The following MYO16 variants were observed in gnomAD, a reference collection of about 807,000 sequenced individuals.
MYO16 encodes the protein unconventional myosin-XVI.
Under a neutral mutation model 205.3 loss-of-function variants are expected in MYO16, and 94 were observed. The observed-to-expected ratio is 0.46, with a 90% CI of 0.39 to 0.54. The LOEUF (loss-of-function observed/expected upper bound fraction) is 0.54. Ranked by LOEUF, MYO16 falls within the 20% of genes least tolerant of loss-of-function variation. MYO16 has a pLI of 0.00. For synonymous variants in MYO16, 988 were observed against 954.0 expected (o/e 1.04, Z -0.66); for missense variants, 2,315 against 2,387.5 (o/e 0.97, Z 0.63).
intron 12 of MYO16, among the ~76,000 whole-genome samples, chr13:108,873,056 T>A (rs1879142117): frequency 6.6e-6 from 1 of 152,232 alleles, no homozygotes; most frequent in Admixed American, 6.5e-5. Context: ...TAATATCAAG[T>A]AGTCACCTAT....
intron 29 of MYO16, among the ~76,000 whole-genome samples, chr13:109,124,567 A>G (rs1454554247): frequency 6.6e-6 from 1 of 151,948 alleles, no homozygotes; most frequent in Admixed American, 6.6e-5. Context: ...ACTTTTACAC[A>G]TTTTTCTAGC....
At chr13:108,543,574 G>A in the MYO16 span, among the ~76,000 whole-genome samples, 6 of 143,332 alleles carry the variant, frequency 4.2e-5, no homozygotes, top group Admixed American at 6.9e-5. Flanking sequence ...CCCAGGAGGC[G>A]GAGCTTGCAG....
intron 3 of MYO16, among the ~76,000 whole-genome samples, chr13:108,724,588 TC>T (rs35866868): frequency 0.25 from 37,318 of 151,958 alleles, 5,656 homozygotes; most frequent in African/African-American, 0.44. Flanking sequence ...TTTTCTGCCT[TC>T]TTTAGGTTTG....
intron 1 of MYO16, among the ~76,000 whole-genome samples, chr13:108,608,907 G>A (rs1041039639): frequency 2.0e-5 from 3 of 152,126 alleles, no homozygotes; most frequent in African/African-American, 7.2e-5. Context: ...GCCTCCCAAA[G>A]TGCAGGGATT....
rs200165875 is a variant in MYO16, at chr13:109,206,783, G to A, written c.5590G>A (p.Glu1864Lys). Residue 1864 changes from glutamate (E) to lysine (K), a missense_variant, in exon 35 of 35, where the codon GAA becomes AAA. Glu to Lys is a moderately conservative substitution (Grantham distance 56, BLOSUM62 1). This residue lies in a region of MYO16 where 1,097 missense variants were observed against 1,092.0 expected (regional missense o/e 1.00). Coordinates refer to ENST00000457511, the MANE Select transcript of MYO16 (RefSeq NM_001198950.3). ...CKKPSLLKKPEGASCNRLPSE... is the reference protein window; with the variant it reads ...CKKPSLLKKPKGASCNRLPSE... Reference sequence around the variant, plus strand: ...GAAGCCCAGCCTTCTGAAGAAGCCGGAAGGGGCCTCCTGCAACAGGCTGCC... The same window carrying A: ...GAAGCCCAGCCTTCTGAAGAAGCCGAAAGGGGCCTCCTGCAACAGGCTGCC... 6.2e-7 allele frequency: 1 copy of A among 1,614,176 alleles called. No individual in the cohort carries two copies. The highest frequency in any genetic ancestry group is 8.5e-7 in the Non-Finnish European group (1 of 1,180,022).
At chr13:109,026,406 C>G (rs1264935815) in intron 23 of MYO16, among the ~76,000 whole-genome samples, 36 of 152,046 alleles carry the variant, frequency 2.4e-4, no homozygotes, top group Non-Finnish European at 7.4e-5. Flanking sequence ...AGCCAAGGAA[C>G]ACCTGGAACT....
intron 23 of MYO16, among the ~76,000 whole-genome samples, chr13:109,023,081 T>C (rs1313015843): frequency 7.5e-6 from 1 of 132,578 alleles, no homozygotes; most frequent in Non-Finnish European, 1.5e-5. Flanking sequence ...ATATTATATA[T>C]ACACATGTAA....
intron 12 of MYO16, among the ~76,000 whole-genome samples, chr13:108,868,258 C>G (rs1878826994): frequency 6.6e-6 from 1 of 152,130 alleles, no homozygotes; most frequent in Non-Finnish European, 1.5e-5. Context: ...ATATCTACAA[C>G]TTAATACAGA....
intron 29 of MYO16, among the ~76,000 whole-genome samples, chr13:109,121,396 G>A (rs1004445162): frequency 5.9e-5 from 9 of 152,164 alleles, no homozygotes; most frequent in Non-Finnish European, 7.3e-5. Context: ...GTACTATGGC[G>A]CTGGTCTCCT....
chr13:108,676,265 T>C (rs2139456575), intron 2 of MYO16, among the ~76,000 whole-genome samples: 1 of 152,232 alleles, frequency 6.6e-6, no homozygotes, highest in East Asian at 1.9e-4. Flanking sequence ...AACAGGAATT[T>C]GATAGCACCT....
chr13:108,978,281 A>G (rs1006357385), intron 20 of MYO16, among the ~76,000 whole-genome samples: 2 of 152,050 alleles, frequency 1.3e-5, no homozygotes, highest in African/African-American at 4.8e-5. Context: ...ATTTTATTGC[A>G]TTGGCTAGCA....
intron 34 of MYO16, among the ~76,000 whole-genome samples, chr13:109,203,034 T>C (rs913512476): frequency 3.3e-5 from 5 of 152,082 alleles, no homozygotes; most frequent in Non-Finnish European, 7.4e-5. Flanking sequence ...CTCACCTTAT[T>C]CAAAAATCAA....
At chr13:109,045,049 C>T (rs142148747) in intron 23 of MYO16, among the ~76,000 whole-genome samples, 510 of 152,244 alleles carry the variant, frequency 3.3e-3, no homozygotes, top group African/African-American at 0.011. Context: ...TTTTTACTCT[C>T]ATTTTACCAA....
intron 22 of MYO16, among the ~76,000 whole-genome samples, chr13:109,014,525 G>T (rs1459862579): frequency 6.6e-6 from 1 of 152,102 alleles, no homozygotes; most frequent in African/African-American, 2.4e-5. Context: ...AGCTTGATGG[G>T]GATGGCATTG....
intron 34 of MYO16, among the ~76,000 whole-genome samples, chr13:109,203,758 A>G (rs1233575373): frequency 6.6e-6 from 1 of 152,120 alleles, no homozygotes; most frequent in African/African-American, 2.4e-5. Context: ...GGCCATCATC[A>G]CCCCTGCCAG....
At chr13:108,936,934 A>T (rs990811989) in intron 16 of MYO16, among the ~76,000 whole-genome samples, 2 of 152,108 alleles carry the variant, frequency 1.3e-5, no homozygotes, top group Non-Finnish European at 2.9e-5. Context: ...TTCTTGCTTT[A>T]TAGTGTCTGT....
chr13:109,066,895 GA>G (rs1314300164), intron 27 of MYO16, among the ~76,000 whole-genome samples: 1 of 152,168 alleles, frequency 6.6e-6, no homozygotes, highest in Non-Finnish European at 1.5e-5. Flanking sequence ...CGGACGATTT[GA>G]AAGGCAACTT....
intron 7 of MYO16, among the ~76,000 whole-genome samples, chr13:108,814,122 A>T (rs900146654): frequency 6.6e-6 from 1 of 152,188 alleles, no homozygotes; most frequent in African/African-American, 2.4e-5. Flanking sequence ...TGCTTTCCGC[A>T]GTTGAAGCTG....
chr13:108,801,469 TATATG>T (rs1886967840), intron 6 of MYO16, among the ~76,000 whole-genome samples: 1 of 152,206 alleles, frequency 6.6e-6, no homozygotes, highest in Admixed American at 6.5e-5. Context: ...ACTACGGACA[TATATG>T]ATAATCACCA....
Sources: allele counts gnomAD v4.1 joint callset (sites outside exome capture counted in the v4.1 genomes callset), GRCh38; gene constraint gnomAD v4.1.1; regional missense constraint gnomAD v4.1.1; transcripts MANE v1.5; gene names NCBI Gene and HGNC (gene_info 2026-07-23, HGNC 2026-07-21).